GRIN2B: variants seen among roughly 807,000 people sequenced by gnomAD.
GRIN2B encodes glutamate ionotropic receptor NMDA type subunit 2B.
GRIN2B carries 5 observed loss-of-function variants against 114.5 expected under a neutral mutation model. The ratio of observed to expected loss-of-function variants is 0.04; its 90% CI spans 0.02 to 0.09. The LOEUF is 0.09. Among genes scored for constraint, GRIN2B ranks in the 10% least tolerant of loss-of-function variants. The probability of loss-of-function intolerance (pLI) is 1.00; values close to 1 mark genes in which losing one functional copy is unlikely to be tolerated. For synonymous variants in GRIN2B, 787 were observed against 745.1 expected (o/e 1.06, Z -0.92); for missense variants, 1,108 against 1,943.5 (o/e 0.57, Z 8.08).
At chr12:13,761,882 C>G (rs7316902) in intron 3 of GRIN2B, among the ~76,000 whole-genome samples, 70,503 of 151,994 alleles carry the variant, frequency 0.46, 17,060 homozygotes, top group Non-Finnish European at 0.55. Context: ...TAAGTAGTAG[C>G]GTTATCAATA....
rs544971583 is a variant in GRIN2B at position 13,653,602 on chromosome 12, T to C, written c.1125+22143A>G. Among the ~76,000 whole-genome samples the C allele has an allele frequency of 7.2e-4, 107 of 149,036 alleles. 1 individual carries two copies. The highest frequency in any genetic ancestry group is 2.6e-3 in the African/African-American group (106 of 40,454). On this transcript the variant is annotated intron_variant, in intron 5 of 13. Transcript: ENST00000609686. ...GACTTAAACAGAAAAAAAGGAGGAG[T>C]TGCAAGGAGATAGGGGTCCCCAGTA...
At chr12:13,594,741 G>A (rs962534754) in intron 10 of GRIN2B, among the ~76,000 whole-genome samples, 2 of 151,786 alleles carry the variant, frequency 1.3e-5, no homozygotes, top group Non-Finnish European at 2.9e-5. Flanking sequence ...TGGAGTGGCT[G>A]CTTGTCTAGG....
At chr12:13,901,057 C>T (rs1866442829) in intron 2 of GRIN2B, among the ~76,000 whole-genome samples, 1 of 152,078 alleles carries the variant, frequency 6.6e-6, no homozygotes, top group African/African-American at 2.4e-5. Flanking sequence ...ATAGATAACG[C>T]CAAACAATTT....
chr12:13,655,016 G>A (rs919908750), intron 5 of GRIN2B, among the ~76,000 whole-genome samples: 2 of 152,104 alleles, frequency 1.3e-5, no homozygotes, highest in Non-Finnish European at 2.9e-5. Flanking sequence ...ATTGAAAAAT[G>A]TCAGTCTTCC....
chr12:13,769,015 C>T (rs917603650), intron 3 of GRIN2B, among the ~76,000 whole-genome samples: 6 of 152,164 alleles, frequency 3.9e-5, no homozygotes, highest in Non-Finnish European at 5.9e-5. Flanking sequence ...GCTTGGGCAA[C>T]AGAGTAAGAC....
At chr12:13,709,821 T>C (rs951235940) in intron 4 of GRIN2B, among the ~76,000 whole-genome samples, 2 of 152,046 alleles carry the variant, frequency 1.3e-5, no homozygotes, top group African/African-American at 4.8e-5. Flanking sequence ...CATATATTTC[T>C]GGTGAGAAAG....
intron 2 of GRIN2B, among the ~76,000 whole-genome samples, chr12:13,979,709 C>T (rs1252010882): frequency 2.0e-5 from 3 of 152,084 alleles, no homozygotes; most frequent in Non-Finnish European, 2.9e-5. Context: ...TCCACCCCCA[C>T]TGCCCCCCAA....
At chr12:13,831,201 C>T (rs551053103) in intron 3 of GRIN2B, among the ~76,000 whole-genome samples, 9 of 152,322 alleles carry the variant, frequency 5.9e-5, no homozygotes, top group East Asian at 1.9e-4. Context: ...CAAATGATGG[C>T]GCCATGCTTC....
Position 13,897,989 on chromosome 12 carries a change from A to T in GRIN2B, c.-18-31763T>A, listed in dbSNP as rs528283583. On this transcript the variant is annotated intron_variant, in intron 2 of 13. Transcript: ENST00000609686. Reference sequence around the variant, plus strand: ...CATGTACCCTAAAACTTAAAGTATAATAATAAATAAATAAATAAATAAATA... The same window carrying T: ...CATGTACCCTAAAACTTAAAGTATATTAATAAATAAATAAATAAATAAATA... 3.1e-4 allele frequency among the ~76,000 whole-genome samples: 38 copies of T among 121,588 alleles called. 1 individual carries two copies. The South Asian group carries it at 9.5e-3, about 30-fold the overall frequency. The allele number at this position is 121,588 out of a possible 152,430, so 79.8% of individuals were successfully genotyped here.
intron 2 of GRIN2B, among the ~76,000 whole-genome samples, chr12:13,892,226 C>T (rs564514070): frequency 1.3e-5 from 2 of 152,120 alleles, no homozygotes; most frequent in South Asian, 2.1e-4. Flanking sequence ...TAAATTAAAA[C>T]CTTCTCATAA....
At chr12:13,772,215 G>A (rs1045223390) in intron 3 of GRIN2B, among the ~76,000 whole-genome samples, 3 of 152,182 alleles carry the variant, frequency 2.0e-5, no homozygotes, top group Admixed American at 1.3e-4. Context: ...GGTTTGGTTT[G>A]TGCCACTGAT....
At chr12:13,850,450 TAG>T (rs1441482804) in intron 3 of GRIN2B, among the ~76,000 whole-genome samples, 1 of 152,168 alleles carries the variant, frequency 6.6e-6, no homozygotes, top group Non-Finnish European at 1.5e-5. Flanking sequence ...AACCAGAGTC[TAG>T]AGTTTGGAGA....
chr12:13,662,000 G>GA (rs1187123394), intron 5 of GRIN2B, among the ~76,000 whole-genome samples: 2 of 152,310 alleles, frequency 1.3e-5, no homozygotes, highest in East Asian at 3.9e-4. Context: ...GTCAACTGGA[G>GA]ACAAGGAAGT....
At chr12:13,766,375 C>G (rs1863788769) in intron 3 of GRIN2B, among the ~76,000 whole-genome samples, 1 of 152,204 alleles carries the variant, frequency 6.6e-6, no homozygotes, top group Non-Finnish European at 1.5e-5. Context: ...CTACTTATCC[C>G]TCTCTTTCCC....
intron 10 of GRIN2B, among the ~76,000 whole-genome samples, chr12:13,591,939 G>C (rs1210465517): frequency 6.6e-6 from 1 of 152,072 alleles, no homozygotes; most frequent in Non-Finnish European, 1.5e-5. Flanking sequence ...TAATCCAAAA[G>C]AGAGCAGAAC....
At chr12:13,929,665 G>A (rs1288943218) in intron 2 of GRIN2B, among the ~76,000 whole-genome samples, 2 of 152,140 alleles carry the variant, frequency 1.3e-5, no homozygotes, top group African/African-American at 2.4e-5. Context: ...GCCATAATGA[G>A]CTGCCTAGGT....
intron 4 of GRIN2B, among the ~76,000 whole-genome samples, chr12:13,704,815 A>G (rs1171046938): frequency 6.6e-6 from 1 of 152,226 alleles, no homozygotes; most frequent in Non-Finnish European, 1.5e-5. Context: ...TCAAAGCTCA[A>G]AAATGTTAAC....
At chr12:13,566,663 G>C (rs1041834251) in intron 13 of GRIN2B, among the ~76,000 whole-genome samples, 1 of 152,310 alleles carries the variant, frequency 6.6e-6, no homozygotes, top group South Asian at 2.1e-4. Context: ...TATTTAAATA[G>C]AAATGTACAT....
intron 2 of GRIN2B, among the ~76,000 whole-genome samples, chr12:13,932,973 G>A (rs1202319637): frequency 1.4e-5 from 2 of 143,576 alleles, no homozygotes; most frequent in Non-Finnish European, 3.0e-5. Flanking sequence ...GTGTGTGTGT[G>A]TGTGTGTGTG....
Sources: gnomAD v4.1 joint callset for allele counts (sites outside exome capture counted in the v4.1 genomes callset) on GRCh38, gnomAD v4.1.1 for gene constraint, MANE v1.5 for transcripts, NCBI Gene and HGNC (gene_info 2026-07-23, HGNC 2026-07-21) for gene names.